Variants in PTGES3 observed in about 807,000 individuals in gnomAD.
PTGES3 encodes the protein prostaglandin E synthase 3, also known as Hsp90 co-chaperone.
PTGES3 carries 5 observed loss-of-function variants against 29.9 expected under a neutral mutation model. The ratio of observed to expected loss-of-function variants is 0.17; its 90% CI spans 0.09 to 0.35. The LOEUF (loss-of-function observed/expected upper bound fraction) is 0.35. Among genes scored for constraint, PTGES3 ranks in the 10% least tolerant of loss-of-function variants. The pLI is 1.00. For missense variants in PTGES3, 128 were observed against 190.0 expected (o/e 0.67, Z 1.92); for synonymous variants, 49 against 57.8 (o/e 0.85, Z 0.69).
chr12:56,683,042 AGCCTCATTCTAGAATCTATCATT>A (rs1952625847), intron 1 of PTGES3, among the ~76,000 whole-genome samples: 1 of 151,954 alleles, frequency 6.6e-6, no homozygotes, highest in African/African-American at 2.4e-5. Flanking sequence ...GCAGGGAAGC[AGCCTCATTCTAGAATCTATCATT>A]GCCGGCTGCG....
intron 5 of PTGES3, among the ~76,000 whole-genome samples, chr12:56,667,868 G>A (rs1460983752): frequency 3.3e-5 from 5 of 152,222 alleles, no homozygotes; most frequent in Non-Finnish European, 7.3e-5. Context: ...AGAACTTTGG[G>A]AGGCCAAGGC....
In PTGES3 at chr12:56,666,027, C is replaced by T. The variant is rs931437236; in HGVS notation, c.438+177G>A. 2.9e-6 allele frequency: 4 copies of T among 1,375,800 alleles called. No individual in the cohort carries two copies. The African/African-American group carries it at 6.1e-5, about 21-fold the overall frequency. The allele number at this position is 1,375,800 out of a possible 1,614,324, so 85.2% of individuals were successfully genotyped here. A position where few individuals can be genotyped will look rare whatever the true frequency, so the allele number is the denominator to read the frequency against. ...GAATGGTCTACGGTACAACCAGTTC[C>T]CTAATAGATACCCCCATTCGTCAAA... On this transcript the variant is annotated intron_variant, in intron 6 of 7. Coordinates refer to ENST00000262033, the MANE Select transcript of PTGES3 (RefSeq NM_006601.7).
chr12:56,665,346 A>C, intron 6 of PTGES3: 1 of 954,762 alleles, frequency 1.0e-6, no homozygotes, highest in Non-Finnish European at 1.2e-6. Flanking sequence ...CCCAGGCTAC[A>C]GTGCAGTGGC....
At chr12:56,685,981 T>C (rs1952824756) in intron 1 of PTGES3, among the ~76,000 whole-genome samples, 1 of 151,896 alleles carries the variant, frequency 6.6e-6, no homozygotes, top group Admixed American at 6.6e-5. Context: ...TTCACCATAT[T>C]GGCCAGGCTG....
intron 1 of PTGES3, chr12:56,687,196 T>C: frequency 9.4e-7 from 1 of 1,063,516 alleles, no homozygotes; most frequent in Non-Finnish European, 1.1e-6. Context: ...GTTAATTAAA[T>C]GCCTACTACA....
In PTGES3 at chr12:56,664,512, TA is replaced by T; in HGVS notation, c.464-15del. 1.3e-6 allele frequency: 2 copies of T among 1,587,648 alleles called. No individual in the cohort carries two copies. Among genetic ancestry groups the T allele is most frequent in the Non-Finnish European group, 8.6e-7 (1 of 1,165,420 alleles). On this transcript the variant is annotated splice_polypyrimidine_tract_variant and intron_variant, in intron 7 of 7. Coordinates refer to ENST00000262033, the MANE Select transcript of PTGES3 (RefSeq NM_006601.7). ...GATCTGGCATTTCTGAAAGAATTTTTAAAAATATTAGTATATAGTACAAGTG... is the reference window on the plus strand; with the variant it reads ...GATCTGGCATTTCTGAAAGAATTTTTAAAATATTAGTATATAGTACAAGTG...
chr12:56,677,756 G>A (rs1039039284), intron 1 of PTGES3, among the ~76,000 whole-genome samples: 10 of 151,864 alleles, frequency 6.6e-5, no homozygotes, highest in African/African-American at 2.2e-4. Flanking sequence ...TTAATGGAGG[G>A]GTTTGCAGTA....
chr12:56,686,220 T>G (rs1045926849), intron 1 of PTGES3, among the ~76,000 whole-genome samples: 1 of 152,026 alleles, frequency 6.6e-6, no homozygotes, highest in African/African-American at 2.4e-5. Context: ...ATATGTTGTT[T>G]GGCTCTATTA....
intron 1 of PTGES3, among the ~76,000 whole-genome samples, chr12:56,675,707 G>C (rs1029528347): frequency 6.6e-6 from 1 of 151,992 alleles, no homozygotes; most frequent in Non-Finnish European, 1.5e-5. Context: ...CATCACCTAA[G>C]GTCAGGAGTT....
rs1302890798 is a variant in PTGES3, at chr12:56,663,829, C to CATGCTAA, written c.*643_*649dup. On this transcript the variant is annotated 3_prime_UTR_variant, in exon 8 of 8. Coordinates refer to ENST00000262033, the MANE Select transcript of PTGES3 (RefSeq NM_006601.7). ...ACAATGTACAGCTTTCTTCGTCCTC[C>CATGCTAA]ATGCTAAGAGATGTAAAAGCTTAAG... 6.6e-6 allele frequency: 1 copy of CATGCTAA among 152,648 alleles called. No homozygotes were observed. The highest frequency in any genetic ancestry group is 6.5e-5 in the Admixed American group (1 of 15,270). The allele number at this position is 152,648 out of a possible 1,614,324, so 9.5% of individuals were successfully genotyped here.
intron 1 of PTGES3, chr12:56,686,907 CTGAA>C (rs1952889887): frequency 1.6e-5 from 6 of 383,940 alleles, no homozygotes; most frequent in Admixed American, 1.4e-4. Flanking sequence ...CTTCTCTCTT[CTGAA>C]TGGAGTCTAA....
At chr12:56,686,037 G>A (rs1952829839) in intron 1 of PTGES3, among the ~76,000 whole-genome samples, 1 of 151,916 alleles carries the variant, frequency 6.6e-6, no homozygotes. Flanking sequence ...GGCCTCCCAA[G>A]TATAGGGATT....
chr12:56,688,033 G>C lies in PTGES3; in HGVS notation c.-34C>G. On this transcript the variant is annotated 5_prime_UTR_variant, in exon 1 of 8. Transcript: ENST00000262033. ...GGGCAGGGGGACGGGCGAACTGGTGGGCGGGCCTCTCTGGCGGCGGCTGCT... is the reference window on the plus strand; with the variant it reads ...GGGCAGGGGGACGGGCGAACTGGTGCGCGGGCCTCTCTGGCGGCGGCTGCT... 1 of 1,515,312 alleles carries C rather than the reference G, an allele frequency of 6.6e-7. No individual in the cohort carries two copies. The highest frequency in any genetic ancestry group is 8.8e-7 in the Non-Finnish European group (1 of 1,130,594). The allele number at this position is 1,515,312 out of a possible 1,614,324, so 93.9% of individuals were successfully genotyped here.
Position 56,670,267 on chromosome 12 carries a change from G to C in PTGES3, c.375+8C>G. On this transcript the variant is annotated splice_region_variant and intron_variant, in intron 5 of 7. Transcript: ENST00000262033. ...CGAATGGGGAGAGGTCCATTTAAAG[G>C]AACTTACCTCAGAGAAACGATCAAA... is the stretch of plus-strand genomic sequence containing the variant. 1 of 1,593,112 alleles carries C rather than the reference G, an allele frequency of 6.3e-7. No individual in the cohort carries two copies. Among genetic ancestry groups the C allele is most frequent in the African/African-American group, 1.3e-5 (1 of 74,538 alleles).
intron 1 of PTGES3, among the ~76,000 whole-genome samples, chr12:56,685,405 T>C (rs866360839): frequency 1.2e-3 from 29 of 23,472 alleles, no homozygotes; most frequent in East Asian, 1.6e-3. Context: ...TTTTCTTTTT[T>C]TTTTTTTTTT....
chr12:56,667,839 G>T (rs1451856210), intron 5 of PTGES3, among the ~76,000 whole-genome samples: 3 of 152,242 alleles, frequency 2.0e-5, no homozygotes, highest in African/African-American at 7.2e-5. Context: ...CAGGTCTGGT[G>T]ACTCATGCCT....
intron 1 of PTGES3, among the ~76,000 whole-genome samples, chr12:56,685,394 CTTTTCTTT>C (rs1188615426): frequency 5.2e-5 from 5 of 96,902 alleles, no homozygotes; most frequent in East Asian, 7.7e-4. Flanking sequence ...AGCATTTTTT[CTTTTCTTT>C]TTTTTTTTTT....
intron 1 of PTGES3, chr12:56,687,766 C>T: frequency 7.3e-7 from 1 of 1,379,212 alleles, no homozygotes; most frequent in South Asian, 1.6e-5. Context: ...AGTAGGATTT[C>T]CGGCATGGGG....
chr12:56,686,136 A>G (rs1264193924), intron 1 of PTGES3, among the ~76,000 whole-genome samples: 2 of 151,886 alleles, frequency 1.3e-5, no homozygotes, highest in South Asian at 2.1e-4. Flanking sequence ...TTCCTTACCT[A>G]TTTAAATATC....
Sources: gnomAD v4.1 joint callset for allele counts (sites outside exome capture counted in the v4.1 genomes callset) on GRCh38, gnomAD v4.1.1 for gene constraint, MANE v1.5 for transcripts, NCBI Gene and HGNC (gene_info 2026-07-23, HGNC 2026-07-21) for gene names.